ZFYVE1: variants seen among roughly 807,000 people sequenced by gnomAD.
The protein encoded by ZFYVE1 is zinc finger FYVE-type containing 1.
ZFYVE1 carries 30 observed loss-of-function variants against 74.4 expected under a neutral mutation model. The ratio of observed to expected loss-of-function variants is 0.40; its 90% CI spans 0.30 to 0.55. The LOEUF (loss-of-function observed/expected upper bound fraction) is 0.55. Among genes scored for constraint, ZFYVE1 ranks in the 20% least tolerant of loss-of-function variants. The probability of loss-of-function intolerance (pLI) is 0.42; values close to 1 mark genes in which losing one functional copy is unlikely to be tolerated. For synonymous variants in ZFYVE1, 335 were observed against 385.1 expected (o/e 0.87, Z 1.52); for missense variants, 703 against 1,011.6 (o/e 0.69, Z 4.14).
At chr14:72,973,987 A>T in intron 11 of ZFYVE1, 93 bp downstream of exon 11, 1 of 1,034,820 alleles carries the variant, frequency 9.7e-7, no homozygotes, top group Non-Finnish European at 1.5e-6. Context: ...ATCTCAATCT[A>T]GGTTGGCAAG....
intron 2 of ZFYVE1, among the ~76,000 whole-genome samples, chr14:73,014,513 A>G (rs1348792078): frequency 6.6e-6 from 1 of 152,242 alleles, no homozygotes; most frequent in East Asian, 1.9e-4. Context: ...ATTGGTTATT[A>G]TTTTGACAGC....
At chr14:73,005,444 C>G (rs1282683773) in intron 2 of ZFYVE1, among the ~76,000 whole-genome samples, 1 of 152,182 alleles carries the variant, frequency 6.6e-6, no homozygotes, top group Non-Finnish European at 1.5e-5. Context: ...GAAATGGTCA[C>G]TGGCCTTACC....
At position 72,993,627 on chromosome 14, in the gene ZFYVE1, A is replaced by G. The variant is rs188156615; in HGVS notation, c.989-270T>C. 4.4e-4 allele frequency among the ~76,000 whole-genome samples: 67 copies of G among 151,906 alleles called. 1 individual carries two copies. The highest frequency in any genetic ancestry group is 6.8e-4 in the Non-Finnish European group (46 of 67,976). ...GGCAGGAGAATCGCTTGAACCCAGG[A>G]GGCGAAGGTTGCAGTAAGCTGAAAT... On this transcript the variant is annotated intron_variant, in intron 3 of 11. Coordinates refer to ENST00000556143, the MANE Select transcript of ZFYVE1 (RefSeq NM_021260.4).
At chr14:72,991,400 A>G (rs1218535083) in intron 4 of ZFYVE1, among the ~76,000 whole-genome samples, 1 of 152,042 alleles carries the variant, frequency 6.6e-6, no homozygotes, top group Non-Finnish European at 1.5e-5. Context: ...CGTGTTAGCC[A>G]GGATGGTCTC....
chr14:73,011,889 T>A (rs117596728), intron 2 of ZFYVE1, among the ~76,000 whole-genome samples: 1 of 150,348 alleles, frequency 6.7e-6, no homozygotes, highest in African/African-American at 2.4e-5. Flanking sequence ...TATATATATA[T>A]AAAATGCATA....
chr14:72,970,911 T>G lies in ZFYVE1; in HGVS notation c.2305A>C (p.Asn769His), dbSNP rs543632353. 20 of 1,614,160 alleles carry G rather than the reference T, an allele frequency of 1.2e-5. No individual in the cohort carries two copies. The South Asian group carries it at 2.0e-4, about 16-fold the overall frequency. The change falls in exon 12 of 12, where the codon AAC becomes CAC. Residue 769 changes from asparagine to histidine, a missense_variant. This residue lies in a region of ZFYVE1 where 492 missense variants were observed against 790.0 expected (regional missense o/e 0.62). Transcript: ENST00000556143. ...GWDHPVRVCF[N>H]CNKKPGDL ...AGGTCACCGGGCTTTTTATTGCAGT[T>G]GAAGCAGACTCGGACGGGATGGTCC...
intron 4 of ZFYVE1, among the ~76,000 whole-genome samples, chr14:72,988,073 G>A (rs779074237): frequency 5.3e-5 from 8 of 151,908 alleles, no homozygotes; most frequent in East Asian, 1.9e-4. Flanking sequence ...CACATTTCCC[G>A]GTCAATAATA....
rs111932868 is a variant in ZFYVE1, at chr14:72,970,871, G to A, written c.*11C>T. Reference sequence around the variant, plus strand: ...TAAGGAATTGTGAAGGACTCGGAGAGGGGGCTGGGGTTAAAGGTCACCGGG... The same window carrying A: ...TAAGGAATTGTGAAGGACTCGGAGAAGGGGCTGGGGTTAAAGGTCACCGGG... On this transcript the variant is annotated 3_prime_UTR_variant, in exon 12 of 12. Transcript: ENST00000556143. 1.2e-6 allele frequency: 2 copies of A among 1,613,302 alleles called. No individual in the cohort carries two copies.
chr14:72,973,313 A>ACC (rs1340656332), intron 11 of ZFYVE1, among the ~76,000 whole-genome samples: 2 of 151,518 alleles, frequency 1.3e-5, no homozygotes, highest in Non-Finnish European at 2.9e-5. Context: ...ACATGGTGAA[A>ACC]CCCCGTCTCT....
intron 3 of ZFYVE1, 30 bp downstream of exon 3, chr14:72,997,781 T>C: frequency 6.5e-7 from 1 of 1,549,088 alleles, no homozygotes; most frequent in South Asian, 1.2e-5. Flanking sequence ...CCATAAAGGT[T>C]GAGCTGTGAC....
chr14:72,987,337 C>T (rs1488435203), intron 4 of ZFYVE1, among the ~76,000 whole-genome samples: 2 of 152,172 alleles, frequency 1.3e-5, no homozygotes, highest in Non-Finnish European at 2.9e-5. Flanking sequence ...GAGGCCAAGG[C>T]AGACAGATAC....
intron 11 of ZFYVE1, 35 bp downstream of exon 11, chr14:72,974,045 T>C: frequency 6.2e-7 from 1 of 1,601,920 alleles, no homozygotes. Context: ...TCAACCCGCA[T>C]CCACTACCCC....
intron 2 of ZFYVE1, among the ~76,000 whole-genome samples, chr14:73,020,173 C>T (rs987739809): frequency 1.2e-4 from 17 of 141,442 alleles, no homozygotes; most frequent in Non-Finnish European, 2.0e-4. Context: ...AAGGATTGCT[C>T]GAACCCAGGA....
In ZFYVE1 at chr14:72,975,106, T is replaced by C; in HGVS notation, c.1807-147A>G. 1 of 807,772 alleles carries C rather than the reference T, an allele frequency of 1.2e-6. No individual in the cohort carries two copies. The highest frequency in any genetic ancestry group is 1.9e-6 in the Non-Finnish European group (1 of 538,598). The allele number at this position is 807,772 out of a possible 1,614,324, so 50.0% of individuals were successfully genotyped here. On this transcript the variant is annotated intron_variant, in intron 9 of 11. Coordinates refer to ENST00000556143, the MANE Select transcript of ZFYVE1 (RefSeq NM_021260.4). The surrounding 1 kb of genome is among the most constrained non-coding windows in gnomAD (Gnocchi z 4.1). Reference sequence around the variant, plus strand: ...GGACAAGAGCTTTCTAGTAACGCGTTATCTGAGAATGGAAAGGAAGCCTGG... The same window carrying C: ...GGACAAGAGCTTTCTAGTAACGCGTCATCTGAGAATGGAAAGGAAGCCTGG...
intron 2 of ZFYVE1, among the ~76,000 whole-genome samples, chr14:73,003,054 CTTT>C (rs201185010): frequency 4.9e-5 from 5 of 102,952 alleles, no homozygotes; most frequent in African/African-American, 1.1e-4. Flanking sequence ...TTTTTCTTTT[CTTT>C]TTTTTTTTTT....
At chr14:73,005,754 A>G (rs1310512875) in intron 2 of ZFYVE1, among the ~76,000 whole-genome samples, 1 of 152,196 alleles carries the variant, frequency 6.6e-6, no homozygotes, top group East Asian at 1.9e-4. Flanking sequence ...ATTAAAGACC[A>G]GTCCACTGGG....
At chr14:73,020,594 C>T (rs943631181) in intron 2 of ZFYVE1, among the ~76,000 whole-genome samples, 1 of 152,158 alleles carries the variant, frequency 6.6e-6, no homozygotes, top group African/African-American at 2.4e-5. Flanking sequence ...CCTCGTGATC[C>T]ACCTCCCTCA....
chr14:73,003,046 T>C (rs1893906698), intron 2 of ZFYVE1, among the ~76,000 whole-genome samples: 1 of 109,696 alleles, frequency 9.1e-6, no homozygotes, highest in South Asian at 3.1e-4. Flanking sequence ...CAGCCCTTTT[T>C]TTCTTTTCTT....
chr14:73,010,238 G>A (rs1364106472), intron 2 of ZFYVE1, among the ~76,000 whole-genome samples: 2 of 152,126 alleles, frequency 1.3e-5, no homozygotes, highest in South Asian at 2.1e-4. Flanking sequence ...GCCAGAGGTG[G>A]GAGGATCACC....
Sources: allele counts gnomAD v4.1 joint callset (sites outside exome capture counted in the v4.1 genomes callset), GRCh38; gene constraint gnomAD v4.1.1; regional missense constraint gnomAD v4.1.1; non-coding constraint Gnocchi (gnomAD v3.1); transcripts MANE v1.5; gene names NCBI Gene and HGNC (gene_info 2026-07-23, HGNC 2026-07-21).